The following DLX2 variants were observed in gnomAD, a reference collection of about 807,000 sequenced individuals.
DLX2 encodes distal-less homeobox 2.
In DLX2, 8 loss-of-function variants were observed where a neutral mutation model predicts 27.4. The ratio of observed to expected loss-of-function variants is 0.29; its 90% confidence interval spans 0.17 to 0.53. The LOEUF (loss-of-function observed/expected upper bound fraction) is 0.53. Ranked by LOEUF, DLX2 falls within the 20% of genes least tolerant of loss-of-function variation. The pLI, the probability that DLX2 is intolerant of heterozygous loss-of-function variation, is 0.96. For missense variants in DLX2, 421 were observed against 450.9 expected (o/e 0.93, Z 0.60); for synonymous variants, 210 against 200.8 (o/e 1.05, Z -0.39).
Position 172,101,277 on chromosome 2 carries a change from C to T in DLX2, c.585+185G>A, listed in dbSNP as rs1173400081. ...CCACCCGGTCCCTTTCCTTCCCTCC[C>T]ACGGCGGCCCCTTGGGGGTTTCCAG... On this transcript the variant is annotated intron_variant, in intron 2 of 2. Coordinates refer to ENST00000234198, the MANE Select transcript of DLX2 (RefSeq NM_004405.4). 4.3e-6 allele frequency: 3 copies of T among 693,050 alleles called. No homozygotes were observed. The East Asian group carries it at 8.3e-5, about 19-fold the overall frequency. 42.9% of individuals were successfully genotyped at this position (693,050 alleles called of 1,614,324 possible).
intron 2 of DLX2, 176 bp from the exon 3 acceptor site, chr2:172,101,120 C>T (rs1691149099): frequency 1.4e-6 from 1 of 693,316 alleles, no homozygotes; most frequent in African/African-American, 1.8e-5. Flanking sequence ...GGTTCCTGCT[C>T]CCTGGGGAGG....
rs886719732 is a variant in DLX2, at chr2:172,101,703, C to A, written c.401-57G>T. On this transcript the variant is annotated intron_variant, in intron 1 of 2. Coordinates refer to ENST00000234198, the MANE Select transcript of DLX2 (RefSeq NM_004405.4). ...AACCCAGGGGTCCTGGAGTTCCCGC[C>A]CTCCTAGAGGGCCCGGCGGGGGGGA... is the stretch of plus-strand genomic sequence containing the variant. The A allele has an allele frequency of 1.9e-6, 3 of 1,557,810 alleles. No individual in the cohort carries two copies. The South Asian group carries it at 3.6e-5, about 19-fold the overall frequency.
In DLX2 at chr2:172,101,654, G is replaced by C. The variant is rs369167116; in HGVS notation, c.401-8C>G. 3.1e-6 allele frequency: 5 copies of C among 1,613,240 alleles called. No homozygotes were observed. Among genetic ancestry groups the C allele is most frequent in the Non-Finnish European group, 4.2e-6 (5 of 1,179,728 alleles). ...GCTCAAGGTCCTCCTTCTCTGCAAC[G>C]ATAAAGAATCGTAAGAACAGCGCAA... On this transcript the variant is annotated splice_polypyrimidine_tract_variant and splice_region_variant and intron_variant, in intron 1 of 2. Transcript: ENST00000234198.
Position 172,102,523 on chromosome 2 carries a change from C to T in DLX2, c.16G>A (p.Asp6Asn). 6.5e-7 allele frequency: 1 copy of T among 1,541,274 alleles called. No individual in the cohort carries two copies. The highest frequency in any genetic ancestry group is 8.7e-7 in the Non-Finnish European group (1 of 1,143,686). Reference protein sequence around the residue: MTGVFDSLVADMHSTQ... With the variant: MTGVFNSLVADMHSTQ... ...GAGTGCATATCAGCCACTAGACTGT[C>T]AAAGACTCCAGTCATCCTGGCCCGA... Residue 6 changes from aspartate (D) to asparagine (N), a missense_variant, in exon 1 of 3, where the codon GAC becomes AAC. Transcript: ENST00000234198.
Position 172,100,395 on chromosome 2 carries a change from G to T in DLX2, c.*148C>A, listed in dbSNP as rs1691130525. On this transcript the variant is annotated 3_prime_UTR_variant, in exon 3 of 3. Coordinates refer to ENST00000234198, the MANE Select transcript of DLX2 (RefSeq NM_004405.4). The surrounding 1 kb of genome is among the most constrained non-coding windows in gnomAD (Gnocchi z 4.5). ...GGGCCCGTTTGGTGGCCCCGGGAGT[G>T]AGCAGGGCCTGAGACGGGCCACTGC... 1 of 860,268 alleles carries T rather than the reference G, an allele frequency of 1.2e-6. No homozygotes were observed. Among genetic ancestry groups the T allele is most frequent in the Non-Finnish European group, 1.7e-6 (1 of 601,414 alleles). The allele number at this position is 860,268 out of a possible 1,614,324, so 53.3% of individuals were successfully genotyped here.
rs962076438 is a variant in DLX2 at position 172,102,215 on chromosome 2, A to G, written c.324T>C (p.Tyr108=). ...TGTAGGCGGCGGTGTAGCCCAGGTC[A>G]TAGCTGCTCTTGGCGGAGTAAGGGA... ...NNVPYSAKSS[Y]DLGYTAAYTS... Residue 108 remains tyrosine (Y), a synonymous_variant, in exon 1 of 3, where the codon TAT becomes TAC. Coordinates refer to ENST00000234198, the MANE Select transcript of DLX2 (RefSeq NM_004405.4). 3 of 1,614,098 alleles carry G rather than the reference A, an allele frequency of 1.9e-6. No homozygotes were observed. Among genetic ancestry groups the G allele is most frequent in the Admixed American group, 1.7e-5 (1 of 60,014 alleles).
Position 172,100,952 on chromosome 2 carries a change from G to A in DLX2, c.586-8C>T, listed in dbSNP as rs751159749. Reference sequence around the variant, plus strand: ...CTGGAACCAGATTTTGACCTTTGAGGAAAAAGACCTGAGCATTAGTGGAGG... The same window carrying A: ...CTGGAACCAGATTTTGACCTTTGAGAAAAAAGACCTGAGCATTAGTGGAGG... On this transcript the variant is annotated splice_polypyrimidine_tract_variant and splice_region_variant and intron_variant, in intron 2 of 2. Coordinates refer to ENST00000234198, the MANE Select transcript of DLX2 (RefSeq NM_004405.4). The surrounding 1 kb of genome is among the most constrained non-coding windows in gnomAD (Gnocchi z 4.5). The A allele has an allele frequency of 6.2e-7, 1 of 1,609,414 alleles. No homozygotes were observed. The highest frequency in any genetic ancestry group is 1.1e-5 in the South Asian group (1 of 90,650).
chr2:172,101,948 C>A (rs572752340), intron 1 of DLX2, among the ~76,000 whole-genome samples, 191 bp downstream of exon 1: 1 of 152,372 alleles, frequency 6.6e-6, no homozygotes, highest in Non-Finnish European at 1.5e-5. Flanking sequence ...CAGGTCCTAC[C>A]AAAGGAGAGA....
chr2:172,101,997 G>T (rs1474105283), intron 1 of DLX2, 142 bp downstream of exon 1: 2 of 1,386,600 alleles, frequency 1.4e-6, no homozygotes, highest in Non-Finnish European at 1.9e-6. Flanking sequence ...TGGAGGCTGG[G>T]GAGGGTAAAG....
chr2:172,102,593 G>T lies in DLX2; in HGVS notation c.-55C>A, dbSNP rs998070585. On this transcript the variant is annotated 5_prime_UTR_variant, in exon 1 of 3. Transcript: ENST00000234198. The stretch of plus-strand genomic sequence containing the variant: ...GGCGGGCGTGCGGGGGAAGCCAGGC[G>T]CCTCCTCTGTCTCTCCCGGTCCCCT... The T allele has an allele frequency of 3.4e-6, 5 of 1,450,790 alleles. No individual in the cohort carries two copies. Among genetic ancestry groups the T allele is most frequent in the Non-Finnish European group, 3.6e-6 (4 of 1,096,438 alleles). The allele number at this position is 1,450,790 out of a possible 1,614,324, so 89.9% of individuals were successfully genotyped here.
intron 1 of DLX2, 40 bp from the exon 2 acceptor site, chr2:172,101,686 G>C (rs372747975): frequency 6.3e-7 from 1 of 1,598,602 alleles, no homozygotes; most frequent in Non-Finnish European, 8.5e-7. Context: ...GCAACCCAGG[G>C]GTCCTGGAGT....
At chr2:172,101,406 CT>C in intron 2 of DLX2, 55 bp downstream of exon 2, 1 of 1,511,500 alleles carries the variant, frequency 6.6e-7, no homozygotes, top group Non-Finnish European at 9.0e-7. Context: ...AACCCGCCTG[CT>C]TCCCAGCCAT....
chr2:172,100,598 T>G lies in DLX2; in HGVS notation c.932A>C (p.His311Pro). The G allele has an allele frequency of 6.3e-7, 1 of 1,578,114 alleles. No individual in the cohort carries two copies. The highest frequency in any genetic ancestry group is 8.6e-7 in the Non-Finnish European group (1 of 1,166,172). The change falls in exon 3 of 3, where the codon CAC becomes CCC. Residue 311 changes from histidine (H) to proline (P), a missense_variant. Transcript: ENST00000234198. The surrounding 1 kb of genome is among the most constrained non-coding windows in gnomAD (Gnocchi z 4.5). ...HPTQTPQPHHHHHHHGGGGAP... is the reference protein window; with the variant it reads ...HPTQTPQPHHPHHHHGGGGAP... ...GCCCCCGCCGCCGTGATGGTGGTGG[T>G]GGTGATGCGGCTGCGGGGTCTGAGT...
chr2:172,101,001 G>A, intron 2 of DLX2, 57 bp from the exon 3 acceptor site: 2 of 1,550,968 alleles, frequency 1.3e-6, no homozygotes, highest in South Asian at 2.3e-5. Context: ...GGCAGTAGGG[G>A]TTCGAAGAGG....
Position 172,100,792 on chromosome 2 carries a change from C to A in DLX2, c.738G>T (p.Pro246=), listed in dbSNP as rs750254226. 1.4e-5 allele frequency: 22 copies of A among 1,596,914 alleles called. No individual in the cohort carries two copies. Among genetic ancestry groups the A allele is most frequent in the East Asian group, 4.5e-5 (2 of 44,274 alleles). The change falls in exon 3 of 3, where the codon CCG becomes CCT. Residue 246 remains proline (P), a synonymous_variant. Coordinates refer to ENST00000234198, the MANE Select transcript of DLX2 (RefSeq NM_004405.4). The surrounding 1 kb of genome is among the most constrained non-coding windows in gnomAD (Gnocchi z 4.5). ...GACCACCGCCGCCCGCCATCCGCTGCGGCACACCAAAGTCCCAGGAGGCCG... is the reference window on the plus strand; with the variant it reads ...GACCACCGCCGCCCGCCATCCGCTGAGGCACACCAAAGTCCCAGGAGGCCG... ...SAPASWDFGV[P]QRMAGGGGPG... is the part of the protein sequence containing the mutation.
intron 1 of DLX2, 37 bp from the exon 2 acceptor site, chr2:172,101,683 A>G: frequency 6.3e-7 from 1 of 1,595,040 alleles, no homozygotes; most frequent in Admixed American, 1.7e-5. Flanking sequence ...AGCGCAACCC[A>G]GGGGTCCTGG....
rs1210088285 is a variant in DLX2, at chr2:172,102,383, C to T, written c.156G>A (p.Glu52=). ...SSSSSLHKPQ[E]SPTLPVSTAT... ...CGGTGGACACCGGAAGGGTGGGCGA[C>T]TCCTGGGGCTTGTGGAGGCTGCTGC... Residue 52 remains glutamate, a synonymous_variant, in exon 1 of 3, where the codon GAG becomes GAA. Transcript: ENST00000234198. The T allele has an allele frequency of 6.4e-7, 1 of 1,560,066 alleles. No individual in the cohort carries two copies. The highest frequency in any genetic ancestry group is 2.4e-5 in the East Asian group (1 of 41,360).
In DLX2 at chr2:172,099,988, T is replaced by C. The variant is rs1691123119; in HGVS notation, c.*555A>G. ...CTGGGGGAGCGCGGTGGGGGTAAGA[T>C]AAGGGATGGGGGCTCCGAGGGCTGG... On this transcript the variant is annotated 3_prime_UTR_variant, in exon 3 of 3. Coordinates refer to ENST00000234198, the MANE Select transcript of DLX2 (RefSeq NM_004405.4). 1 of 149,898 alleles carries C rather than the reference T, an allele frequency of 6.7e-6. No homozygotes were observed. Among genetic ancestry groups the C allele is most frequent in the Admixed American group, 6.6e-5 (1 of 15,140 alleles). 9.3% of individuals were successfully genotyped at this position (149,898 alleles called of 1,614,324 possible).
At chr2:172,101,290 T>TG in intron 2 of DLX2, 172 bp downstream of exon 2, 3 of 775,392 alleles carry the variant, frequency 3.9e-6, no homozygotes, top group Non-Finnish European at 6.0e-6. Flanking sequence ...GGCGGCCCCT[T>TG]GGGGGTTTCC....
Sources: allele counts gnomAD v4.1 joint callset (sites outside exome capture counted in the v4.1 genomes callset), GRCh38; gene constraint gnomAD v4.1.1; non-coding constraint Gnocchi (gnomAD v3.1); transcripts MANE v1.5; gene names NCBI Gene and HGNC (gene_info 2026-07-23, HGNC 2026-07-21).